The following KLHDC1 variants were observed in gnomAD, a reference collection of about 807,000 sequenced individuals.
KLHDC1 encodes the protein kelch domain-containing protein 1.
In KLHDC1, 53 loss-of-function variants were observed where a neutral mutation model predicts 68.3. The observed-to-expected ratio is 0.78, with a 90% CI of 0.62 to 0.98. The LOEUF is 0.98. KLHDC1 is among the 50% of genes least tolerant of loss of function. KLHDC1 has a pLI of 0.00. For synonymous variants in KLHDC1, 148 were observed against 159.0 expected, an observed-to-expected ratio of 0.93 and a Z score of 0.52; for missense variants, 470 against 492.3, an observed-to-expected ratio of 0.95 and a Z score of 0.43.
chr14:49,749,397 A>G (rs1594687605), intron 12 of KLHDC1, among the ~76,000 whole-genome samples: 1 of 152,040 alleles, frequency 6.6e-6, no homozygotes, highest in African/African-American at 2.4e-5. Flanking sequence ...GCTAGGTGCA[A>G]TGGCTCAAAC....
At chr14:49,711,894 T>G (rs1307170429) in intron 4 of KLHDC1, among the ~76,000 whole-genome samples, 1 of 150,450 alleles carries the variant, frequency 6.6e-6, no homozygotes, top group Admixed American at 6.6e-5. Context: ...TTTATATGTC[T>G]TTCTTTTTTC....
At chr14:49,748,228 G>A (rs950744566) in intron 12 of KLHDC1, among the ~76,000 whole-genome samples, 5 of 152,190 alleles carry the variant, frequency 3.3e-5, no homozygotes, top group African/African-American at 1.2e-4. Context: ...TCAGTGACTG[G>A]GGGAAAATGA....
intron 1 of KLHDC1, among the ~76,000 whole-genome samples, chr14:49,694,902 TA>T (rs1481932971): frequency 6.6e-6 from 1 of 152,162 alleles, no homozygotes; most frequent in Non-Finnish European, 1.5e-5. Flanking sequence ...AAATTATTGC[TA>T]AAAAATGCTA....
intron 6 of KLHDC1, among the ~76,000 whole-genome samples, chr14:49,727,114 G>A (rs768048329): frequency 4.6e-5 from 7 of 152,194 alleles, no homozygotes; most frequent in Admixed American, 2.6e-4. Context: ...TGGGCGTGGC[G>A]GCATGCGCCT....
chr14:49,723,087 C>CAAAAA (rs144318637), intron 4 of KLHDC1, among the ~76,000 whole-genome samples: 2 of 54,754 alleles, frequency 3.7e-5, no homozygotes, highest in African/African-American at 1.5e-4. Context: ...GACTCTGTCT[C>CAAAAA]AAAAAAAAAA....
intron 12 of KLHDC1, among the ~76,000 whole-genome samples, chr14:49,749,801 G>T (rs1889284028): frequency 6.6e-6 from 1 of 152,118 alleles, no homozygotes; most frequent in Non-Finnish European, 1.5e-5. Context: ...AGTGAGGCCT[G>T]TAATCCCAAC....
chr14:49,702,872 A>T (rs1343399324), intron 1 of KLHDC1, among the ~76,000 whole-genome samples: 1 of 152,162 alleles, frequency 6.6e-6, no homozygotes, highest in Non-Finnish European at 1.5e-5. Context: ...CCTGCAATAC[A>T]GTTTAGGAAG....
chr14:49,693,213 T>C lies in KLHDC1; in HGVS notation c.19T>C (p.Phe7Leu), dbSNP rs1272385892. The C allele has an allele frequency of 6.3e-7, 1 of 1,581,056 alleles. No homozygotes were observed. Among genetic ancestry groups the C allele is most frequent in the Non-Finnish European group, 8.6e-7 (1 of 1,165,408 alleles). ...GGCGCGAATGGCGGACTCTCAGCTG[T>C]TCTGTGTGGCGGAGGAACGCAGCGG... MADSQL[F>L]CVAEERSGHC... is the part of the protein sequence containing the mutation. Residue 7 changes from phenylalanine to leucine, a missense_variant, in exon 1 of 13, where the codon TTC (phenylalanine) becomes CTC (leucine). By Grantham distance (22) the Phe-to-Leu change is conservative (BLOSUM62 0). Coordinates refer to ENST00000359332, the MANE Select transcript of KLHDC1 (RefSeq NM_172193.3).
intron 1 of KLHDC1, among the ~76,000 whole-genome samples, chr14:49,704,889 T>C (rs538077684): frequency 6.6e-6 from 1 of 152,300 alleles, no homozygotes; most frequent in South Asian, 2.1e-4. Flanking sequence ...TGTGAGGCAC[T>C]GTAGTAGGCT....
chr14:49,730,844 C>G (rs982858715), intron 8 of KLHDC1, among the ~76,000 whole-genome samples: 1 of 151,382 alleles, frequency 6.6e-6, no homozygotes, highest in Non-Finnish European at 1.5e-5. Context: ...TGGTGGTGGA[C>G]GCCTATAATC....
intron 10 of KLHDC1, among the ~76,000 whole-genome samples, chr14:49,738,922 C>G (rs1353773349): frequency 1.3e-5 from 2 of 152,202 alleles, no homozygotes; most frequent in Non-Finnish European, 2.9e-5. Flanking sequence ...TCAGCTTCTG[C>G]TAGCCAGTAA....
rs1399648230 is a variant in KLHDC1, at chr14:49,751,855, T to C, written c.*83T>C. 1.0e-5 allele frequency: 6 copies of C among 602,716 alleles called. No individual in the cohort carries two copies. Among genetic ancestry groups the C allele is most frequent in the Non-Finnish European group, 1.6e-5 (6 of 384,408 alleles). The allele number at this position is 602,716 out of a possible 1,614,324, so 37.3% of individuals were successfully genotyped here. A position where few individuals can be genotyped will look rare whatever the true frequency, so the allele number is the denominator to read the frequency against. The stretch of plus-strand genomic sequence containing the variant: ...TACACTCCCAAATTGCAGGCTTTAT[T>C]TAAAGGATAAAATTTAAAGGATAAA... On this transcript the variant is annotated 3_prime_UTR_variant, in exon 13 of 13. Coordinates refer to ENST00000359332, the MANE Select transcript of KLHDC1 (RefSeq NM_172193.3).
intron 1 of KLHDC1, chr14:49,700,143 C>T (rs1887862343): frequency 4.1e-6 from 1 of 244,370 alleles, no homozygotes; most frequent in African/African-American, 2.4e-5. Context: ...TCTCCTGCCT[C>T]AGCCTCCCGA....
intron 1 of KLHDC1, among the ~76,000 whole-genome samples, chr14:49,697,807 A>G (rs1887786796): frequency 6.6e-6 from 1 of 152,136 alleles, no homozygotes; most frequent in Non-Finnish European, 1.5e-5. Context: ...CCCTAATCTT[A>G]TATATTCTTA....
intron 1 of KLHDC1, chr14:49,707,615 G>C (rs907015823): frequency 1.3e-5 from 2 of 149,946 alleles, no homozygotes; most frequent in African/African-American, 4.9e-5. Flanking sequence ...CAAAGTGCTG[G>C]GATTACAGGC....
chr14:49,706,192 T>C (rs1399136567), intron 1 of KLHDC1, among the ~76,000 whole-genome samples: 1 of 152,074 alleles, frequency 6.6e-6, no homozygotes, highest in African/African-American at 2.4e-5. Flanking sequence ...CTCCATGAGG[T>C]CAATTGTTTT....
chr14:49,742,688 A>G (rs1889093306), intron 11 of KLHDC1, among the ~76,000 whole-genome samples: 1 of 149,636 alleles, frequency 6.7e-6, no homozygotes, highest in Admixed American at 6.9e-5. Flanking sequence ...AAAAAAAAAA[A>G]AAAGAGAATT....
chr14:49,721,995 A>G (rs1888537490), intron 4 of KLHDC1, among the ~76,000 whole-genome samples: 1 of 152,196 alleles, frequency 6.6e-6, no homozygotes, highest in Admixed American at 6.5e-5. Context: ...TCCAAAGCTC[A>G]GATTGCCTAA....
At chr14:49,699,390 A>G (rs1008070189) in intron 1 of KLHDC1, among the ~76,000 whole-genome samples, 1 of 151,940 alleles carries the variant, frequency 6.6e-6, no homozygotes, top group African/African-American at 2.4e-5. Flanking sequence ...ACTAGGAGGC[A>G]AAAAAGAAGC....
Sources: allele counts gnomAD v4.1 joint callset (sites outside exome capture counted in the v4.1 genomes callset), GRCh38; gene constraint gnomAD v4.1.1; transcripts MANE v1.5; gene names NCBI Gene and HGNC (gene_info 2026-07-23, HGNC 2026-07-21).